The following RCAN2 variants were observed in gnomAD, a reference collection of about 807,000 sequenced individuals.
The protein encoded by RCAN2 is regulator of calcineurin 2, also known as calcipressin-2.
A neutral mutation model predicts 23.6 loss-of-function variants in RCAN2; 9 were observed. The observed-to-expected ratio is 0.38, with a 90% confidence interval of 0.23 to 0.67. The LOEUF (loss-of-function observed/expected upper bound fraction) is 0.67, where lower values mean the gene tolerates loss of function less well. RCAN2 is among the 30% of genes least tolerant of loss of function. RCAN2 has a pLI of 0.51. For synonymous variants in RCAN2, 109 were observed against 115.7 expected, an observed-to-expected ratio of 0.94 and a Z score of 0.37; for missense variants, 273 against 302.3, an observed-to-expected ratio of 0.90 and a Z score of 0.72.
At chr6:46,371,356 C>T (rs923182685) in intron 2 of RCAN2, among the ~76,000 whole-genome samples, 2 of 152,202 alleles carry the variant, frequency 1.3e-5, no homozygotes, top group Admixed American at 1.3e-4. Flanking sequence ...TCATGTGACA[C>T]TTGGGAAGCA....
intron 2 of RCAN2, among the ~76,000 whole-genome samples, chr6:46,321,330 C>T (rs908995329): frequency 2.0e-5 from 3 of 152,202 alleles, no homozygotes; most frequent in African/African-American, 7.2e-5. Context: ...AATATATGCT[C>T]CGTGAGGGCA....
At chr6:46,442,508 C>T (rs1190613448) in intron 2 of RCAN2, among the ~76,000 whole-genome samples, 1 of 152,202 alleles carries the variant, frequency 6.6e-6, no homozygotes, top group Non-Finnish European at 1.5e-5. Flanking sequence ...ACTGCTTCTG[C>T]TCATTTTAAT....
intron 1 of RCAN2, among the ~76,000 whole-genome samples, chr6:46,469,842 C>T (rs969416431): frequency 6.6e-6 from 1 of 152,132 alleles, no homozygotes; most frequent in East Asian, 1.9e-4. Flanking sequence ...AAGGTACTTA[C>T]AAAAGAGGCT....
chr6:46,405,354 G>A (rs1766368985), intron 2 of RCAN2, among the ~76,000 whole-genome samples: 1 of 152,122 alleles, frequency 6.6e-6, no homozygotes, highest in African/African-American at 2.4e-5. Context: ...ACCCGAGCGG[G>A]TTGCCACTGC....
chr6:46,278,920 T>C (rs1767807086), intron 2 of RCAN2, among the ~76,000 whole-genome samples: 1 of 152,200 alleles, frequency 6.6e-6, no homozygotes, highest in Non-Finnish European at 1.5e-5. Context: ...CACACCTTGA[T>C]CTAATATAGT....
chr6:46,455,249 T>TGG (rs1441633201), intron 2 of RCAN2, among the ~76,000 whole-genome samples: 1 of 152,236 alleles, frequency 6.6e-6, no homozygotes, highest in Non-Finnish European at 1.5e-5. Flanking sequence ...ATCATAGCAC[T>TGG]GGAGGTTCTA....
At chr6:46,235,715 C>T (rs1249845821) in intron 4 of RCAN2, among the ~76,000 whole-genome samples, 3 of 152,018 alleles carry the variant, frequency 2.0e-5, no homozygotes, top group Non-Finnish European at 4.4e-5. Context: ...TAATCAGTCA[C>T]CAAGCACTAT....
intron 2 of RCAN2, among the ~76,000 whole-genome samples, chr6:46,307,961 A>G (rs1763123178): frequency 6.6e-6 from 1 of 152,220 alleles, no homozygotes; most frequent in Non-Finnish European, 1.5e-5. Flanking sequence ...TATACTTTCT[A>G]TTAAATCCTG....
chr6:46,284,401 G>C (rs947352668), intron 2 of RCAN2, among the ~76,000 whole-genome samples: 1 of 152,140 alleles, frequency 6.6e-6, no homozygotes, highest in African/African-American at 2.4e-5. Flanking sequence ...GTCCCAGAAG[G>C]GGGAGATAAT....
intron 2 of RCAN2, among the ~76,000 whole-genome samples, chr6:46,445,648 A>G (rs1229297339): frequency 6.6e-6 from 1 of 152,258 alleles, no homozygotes. Flanking sequence ...GCTTTAAGAA[A>G]GCTCACAAAA....
chr6:46,306,372 C>A (rs556130435), intron 2 of RCAN2, among the ~76,000 whole-genome samples: 19 of 152,136 alleles, frequency 1.2e-4, no homozygotes, highest in Non-Finnish European at 2.2e-4. Context: ...TGTCCTGTAA[C>A]ACCTCAAAGT....
chr6:46,364,083 G>C (rs1407180720), intron 2 of RCAN2, among the ~76,000 whole-genome samples: 1 of 152,140 alleles, frequency 6.6e-6, no homozygotes, highest in African/African-American at 2.4e-5. Context: ...ACCTGAAAGG[G>C]TGTGTTCCAC....
chr6:46,267,080 C>A (rs968720287), intron 2 of RCAN2, among the ~76,000 whole-genome samples: 1 of 152,098 alleles, frequency 6.6e-6, no homozygotes, highest in Non-Finnish European at 1.5e-5. Flanking sequence ...TAAATTTCAA[C>A]CCAATTTTTT....
chr6:46,241,081 G>C (rs1277096891), intron 4 of RCAN2, among the ~76,000 whole-genome samples: 1 of 152,194 alleles, frequency 6.6e-6, no homozygotes, highest in Admixed American at 6.5e-5. Flanking sequence ...AGCCATCTTA[G>C]AGAGCAGAAT....
At chr6:46,419,060 T>C (rs1050526604) in intron 2 of RCAN2, among the ~76,000 whole-genome samples, 1 of 152,078 alleles carries the variant, frequency 6.6e-6, no homozygotes, top group Non-Finnish European at 1.5e-5. Context: ...TTGGCTACAA[T>C]CTGTGCTCTT....
intron 2 of RCAN2, among the ~76,000 whole-genome samples, chr6:46,286,964 C>T (rs1392898544): frequency 6.6e-6 from 1 of 151,750 alleles, no homozygotes; most frequent in South Asian, 2.1e-4. Context: ...GAGATCGCGC[C>T]GTTGTACTCT....
intron 4 of RCAN2, among the ~76,000 whole-genome samples, chr6:46,235,348 G>T (rs943262480): frequency 3.3e-5 from 5 of 152,090 alleles, no homozygotes; most frequent in African/African-American, 1.2e-4. Flanking sequence ...AGAACTAGAG[G>T]CTTTGAAAAT....
chr6:46,305,696 C>A (rs572412081), intron 2 of RCAN2, among the ~76,000 whole-genome samples: 6 of 151,998 alleles, frequency 3.9e-5, no homozygotes, highest in Non-Finnish European at 7.4e-5. Context: ...CAACAATCGA[C>A]CTGAGATTCT....
chr6:46,323,781 T>C (rs1444288853), intron 2 of RCAN2, among the ~76,000 whole-genome samples: 1 of 152,260 alleles, frequency 6.6e-6, no homozygotes, highest in Non-Finnish European at 1.5e-5. Context: ...AGTTGGTTAT[T>C]TTTATAGCTA....
Sources: gnomAD v4.1 joint callset for allele counts (sites outside exome capture counted in the v4.1 genomes callset) on GRCh38, gnomAD v4.1.1 for gene constraint, MANE v1.5 for transcripts, NCBI Gene and HGNC (gene_info 2026-07-23, HGNC 2026-07-21) for gene names.